ACSL4: variants seen among roughly 807,000 people sequenced by gnomAD.
ACSL4 encodes the protein long-chain-fatty-acid--CoA ligase 4.
A neutral mutation model predicts 49.1 loss-of-function variants in ACSL4; 9 were observed. The observed-to-expected ratio is 0.18, with a 90% CI of 0.11 to 0.32. The LOEUF is 0.32. Ranked by LOEUF, ACSL4 falls within the 10% of genes least tolerant of loss-of-function variation. The pLI is 1.00. For synonymous variants in ACSL4, 191 were observed against 170.3 expected (o/e 1.12, Z -0.95); for missense variants, 333 against 493.7 (o/e 0.67, Z 3.08).
intron 11 of ACSL4, 106 bp from the exon 12 acceptor site, chrX:109,665,600 A>G: frequency 1.5e-6 from 1 of 651,140 alleles, no homozygotes; most frequent in Non-Finnish European, 2.6e-6. Context: ...ATGACAAAAG[A>G]AGGAGTGCAA....
intron 11 of ACSL4, 142 bp downstream of exon 11, chrX:109,667,959 T>A: frequency 2.2e-6 from 1 of 456,459 alleles, no homozygotes. Context: ...TAAGAATTCA[T>A]AAACCAAAAC....
chrX:109,705,967 G>A (rs1252428418), intron 1 of ACSL4, among the ~76,000 whole-genome samples: 2 of 112,951 alleles, frequency 1.8e-5, no homozygotes, highest in Admixed American at 1.9e-4. Flanking sequence ...AAAGTGCTAG[G>A]ATTACAGGCG....
intron 1 of ACSL4, among the ~76,000 whole-genome samples, chrX:109,700,207 CAAAAAAA>C (rs748667601): frequency 1.2e-4 from 2 of 16,285 alleles, no homozygotes; most frequent in Non-Finnish European, 1.1e-4. Flanking sequence ...GACTCCGTCT[CAAAAAAA>C]AAAAAAAAAA....
chrX:109,657,738 T>C (rs1452562501), intron 15 of ACSL4, among the ~76,000 whole-genome samples: 1 of 111,787 alleles, frequency 8.9e-6, no homozygotes. Context: ...TACCCAGTAA[T>C]GGGATGGCTG....
intron 4 of ACSL4, among the ~76,000 whole-genome samples, chrX:109,682,366 T>A (rs762027812): frequency 9.0e-6 from 1 of 111,282 alleles, no homozygotes; most frequent in African/African-American, 3.3e-5. Context: ...TGAATTTGAA[T>A]TATCCTGAGA....
At chrX:109,649,675 T>C (rs1934925320) in intron 15 of ACSL4, among the ~76,000 whole-genome samples, 1 of 110,502 alleles carries the variant, frequency 9.0e-6, no homozygotes, top group African/African-American at 3.3e-5. Context: ...AATTGACAAA[T>C]GGGAACTAAT....
At chrX:109,668,311 T>G (rs775996595) in intron 10 of ACSL4, 38 bp from the exon 11 acceptor site, 1 of 1,102,483 alleles carries the variant, frequency 9.1e-7, no homozygotes, top group Non-Finnish European at 1.2e-6. Context: ...AATGTACGCA[T>G]ACATTATTCT....
At chrX:109,686,776 G>GCACACACACACACA (rs35736807) in intron 2 of ACSL4, among the ~76,000 whole-genome samples, 16 of 98,925 alleles carry the variant, frequency 1.6e-4, no homozygotes, top group African/African-American at 5.5e-4. Context: ...ACACACGCAT[G>GCACACACACACACA]CACACACACA....
intron 15 of ACSL4, among the ~76,000 whole-genome samples, chrX:109,657,430 G>C (rs772346184): frequency 2.0e-5 from 2 of 101,747 alleles, no homozygotes; most frequent in African/African-American, 3.7e-5. Context: ...AAGTGTTCTC[G>C]TTGTTCAATT....
chrX:109,687,242 A>G (rs1187201703), intron 2 of ACSL4, among the ~76,000 whole-genome samples: 2 of 112,302 alleles, frequency 1.8e-5, no homozygotes, highest in African/African-American at 6.5e-5. Flanking sequence ...AGATTTAAAC[A>G]TTTCATTTCA....
At chrX:109,713,691 A>G (rs1448964614) in intron 1 of ACSL4, among the ~76,000 whole-genome samples, 1 of 111,477 alleles carries the variant, frequency 9.0e-6, no homozygotes, top group African/African-American at 3.3e-5. Flanking sequence ...GTTAGGGGGG[A>G]AAAGATTGAG....
At chrX:109,678,146 T>C in intron 7 of ACSL4, 35 bp from the exon 8 acceptor site, 1 of 1,209,509 alleles carries the variant, frequency 8.3e-7, no homozygotes, top group Non-Finnish European at 1.1e-6. Flanking sequence ...TTAACCATTC[T>C]TGAAAAGGCA....
Position 109,643,894 on chromosome X carries a change from T to A in ACSL4, c.*135A>T. On this transcript the variant is annotated 3_prime_UTR_variant, in exon 16 of 16. Transcript: ENST00000672401. Reference sequence around the variant, plus strand: ...ACCGGACAACAATTTTAATAACTTTTGGTTTTGTTTTCTTTTTACTCTATC... The same window carrying A: ...ACCGGACAACAATTTTAATAACTTTAGGTTTTGTTTTCTTTTTACTCTATC... 1 of 742,957 alleles carries A rather than the reference T, an allele frequency of 1.3e-6. No individual in the cohort carries two copies. Among genetic ancestry groups the A allele is most frequent in the East Asian group, 3.3e-5 (1 of 30,031 alleles). The allele number at this position is 742,957 out of a possible 1,213,427, so 61.2% of individuals were successfully genotyped here. A position where few individuals can be genotyped will look rare whatever the true frequency, so the allele number is the denominator to read the frequency against.
At chrX:109,671,939 G>A (rs747478625) in intron 9 of ACSL4, among the ~76,000 whole-genome samples, 3 of 108,862 alleles carry the variant, frequency 2.8e-5, no homozygotes, top group Non-Finnish European at 5.7e-5. Flanking sequence ...CAAACACTGC[G>A]GAAGGCGGCA....
At position 109,706,116 on chromosome X, in the gene ACSL4, A is replaced by C. The variant is rs752412852; in HGVS notation, c.-65-9920T>G. 3.5e-5 allele frequency among the ~76,000 whole-genome samples: 4 copies of C among 112,859 alleles called. 1 individual carries two copies. The South Asian group carries it at 1.1e-3, about 30-fold the overall frequency. On this transcript the variant is annotated intron_variant, in intron 1 of 15. Transcript: ENST00000672401. ...GAGTGAAGTTCTAGGTTGACATTAAAATTTATTCATCTACTCTTTACCTTC... is the reference window on the plus strand; with the variant it reads ...GAGTGAAGTTCTAGGTTGACATTAACATTTATTCATCTACTCTTTACCTTC...
At chrX:109,671,479 A>AC (rs1362766438) in intron 9 of ACSL4, among the ~76,000 whole-genome samples, 1 of 95,709 alleles carries the variant, frequency 1.0e-5, no homozygotes, top group African/African-American at 4.0e-5. Context: ...CCGACCAGCC[A>AC]CCCCGTCCGG....
In ACSL4 at chrX:109,669,419, A is replaced by G. The variant is rs370184430; in HGVS notation, c.1003-246T>C. Among the ~76,000 whole-genome samples the G allele has an allele frequency of 3.8e-3, 391 of 102,803 alleles. 3 individuals carry two copies. Among genetic ancestry groups the G allele is most frequent in the African/African-American group, 0.013 (367 of 27,533 alleles). 89.3% of individuals were successfully genotyped at this position (102,803 alleles called of 115,157 possible). A position where few individuals can be genotyped will look rare whatever the true frequency, so the allele number is the denominator to read the frequency against. ...ATTTTTTTTTTTTTTTTTGAGACGGAGTCTCACTCTGCTGCCCAGGCTGGA... is the reference window on the plus strand; with the variant it reads ...ATTTTTTTTTTTTTTTTTGAGACGGGGTCTCACTCTGCTGCCCAGGCTGGA... On this transcript the variant is annotated intron_variant, in intron 9 of 15. Coordinates refer to ENST00000672401, the MANE Select transcript of ACSL4 (RefSeq NM_001318510.2).
intron 1 of ACSL4, among the ~76,000 whole-genome samples, chrX:109,697,715 G>A (rs9699192): frequency 4.1e-5 from 4 of 97,703 alleles, no homozygotes; most frequent in Admixed American, 1.1e-4. Flanking sequence ...TGACATGGGG[G>A]GGGGGGCGCG....
In ACSL4 at chrX:109,642,561, T is replaced by C. The variant is rs372686883; in HGVS notation, c.*1468A>G. On this transcript the variant is annotated 3_prime_UTR_variant, in exon 16 of 16. Transcript: ENST00000672401. ...TTGTTGCAATGGTGGCCCACATCTG[T>C]ACAAAACAACATAAGCAACACACAC... The C allele has an allele frequency of 3.8e-4, 42 of 111,111 alleles. No individual in the cohort carries two copies. In the East Asian group the frequency reaches 0.01, roughly 27 times the overall value. The allele number at this position is 111,111 out of a possible 1,213,427, so 9.2% of individuals were successfully genotyped here. A position where few individuals can be genotyped will look rare whatever the true frequency, so the allele number is the denominator to read the frequency against.
Sources: allele counts gnomAD v4.1 joint callset (sites outside exome capture counted in the v4.1 genomes callset), GRCh38; gene constraint gnomAD v4.1.1; transcripts MANE v1.5; gene names NCBI Gene and HGNC (gene_info 2026-07-23, HGNC 2026-07-21).